Variants in SNTG1 observed in about 807,000 individuals in gnomAD.
SNTG1 encodes gamma-1-syntrophin.
Under a neutral mutation model 74.7 loss-of-function variants are expected in SNTG1, and 39 were observed. The ratio of observed to expected loss-of-function variants is 0.52; its 90% CI spans 0.40 to 0.68. The LOEUF is 0.68. Ranked by LOEUF, SNTG1 falls within the 30% of genes least tolerant of loss-of-function variation. The pLI, the probability that SNTG1 is intolerant of heterozygous loss-of-function variation, is 0.00. For synonymous variants in SNTG1, 254 were observed against 217.1 expected, an observed-to-expected ratio of 1.17 and a Z score of -1.49; for missense variants, 685 against 609.5, an observed-to-expected ratio of 1.12 and a Z score of -1.30.
chr8:50,750,449 A>G (rs899045873), intron 17 of SNTG1, among the ~76,000 whole-genome samples: 1 of 152,060 alleles, frequency 6.6e-6, no homozygotes, highest in African/African-American at 2.4e-5. Flanking sequence ...GAGTGAATTG[A>G]CTGCAGTTCA....
chr8:50,519,241 A>G (rs2094159187), intron 9 of SNTG1, among the ~76,000 whole-genome samples: 1 of 152,248 alleles, frequency 6.6e-6, no homozygotes, highest in South Asian at 2.1e-4. Context: ...AAGGCCTTCA[A>G]TAAAACTCAA....
intron 1 of SNTG1, among the ~76,000 whole-genome samples, chr8:49,958,538 A>T (rs959281807): frequency 4.6e-5 from 7 of 151,574 alleles, no homozygotes; most frequent in African/African-American, 7.3e-5. Flanking sequence ...TCTCTGCCTC[A>T]GCCTCCCAAG....
At chr8:49,983,137 T>C (rs1357399769) in intron 1 of SNTG1, among the ~76,000 whole-genome samples, 1 of 152,210 alleles carries the variant, frequency 6.6e-6, no homozygotes, top group Non-Finnish European at 1.5e-5. Flanking sequence ...TGTTATGCCA[T>C]AGTTATGCAA....
At chr8:49,978,270 G>A (rs1812370356) in intron 1 of SNTG1, among the ~76,000 whole-genome samples, 1 of 151,910 alleles carries the variant, frequency 6.6e-6, no homozygotes, top group Non-Finnish European at 1.5e-5. Flanking sequence ...AGAGACAGAA[G>A]GAGACAGAAG....
chr8:50,379,313 C>A (rs79850421), intron 2 of SNTG1, among the ~76,000 whole-genome samples: 3 of 152,254 alleles, frequency 2.0e-5, no homozygotes, highest in African/African-American at 7.2e-5. Flanking sequence ...CACTTCCTAG[C>A]CTATGAAAGC....
chr8:50,651,744 A>G (rs2095148113), intron 13 of SNTG1, among the ~76,000 whole-genome samples: 1 of 150,174 alleles, frequency 6.7e-6, no homozygotes, highest in Non-Finnish European at 1.5e-5. Context: ...GGTATAAACC[A>G]CCTCACCTGG....
intron 15 of SNTG1, among the ~76,000 whole-genome samples, chr8:50,684,749 T>A (rs1287065259): frequency 5.9e-5 from 9 of 151,264 alleles, no homozygotes; most frequent in South Asian, 2.1e-4. Flanking sequence ...TCTTTTTTTT[T>A]ATTATACTTT....
intron 18 of SNTG1, among the ~76,000 whole-genome samples, chr8:50,780,294 G>C (rs1176051323): frequency 3.3e-5 from 5 of 152,118 alleles, no homozygotes; most frequent in Non-Finnish European, 5.9e-5. Flanking sequence ...GTTCCTCCTT[G>C]TACCTCTTGT....
In SNTG1 at chr8:50,259,509, AAAGAAAGAAAGAAAGAAAGAAAG is replaced by A. The variant is rs1293412062; in HGVS notation, c.-28+86877_-28+86899del. Among the ~76,000 whole-genome samples, 8 of 10,982 alleles carry A rather than the reference AAAGAAAGAAAGAAAGAAAGAAAG, an allele frequency of 7.3e-4. 2 individuals are homozygous for A. Among genetic ancestry groups the A allele is most frequent in the African/African-American group, 9.3e-4 (8 of 8,640 alleles). 7.2% of individuals were successfully genotyped at this position (10,982 alleles called of 152,430 possible). On this transcript the variant is annotated intron_variant, in intron 2 of 18. Coordinates refer to ENST00000642720, the MANE Select transcript of SNTG1 (RefSeq NM_018967.5). Reference sequence around the variant, plus strand: ...GAGAGACGCTGTCTCAAAAAAAAAAAAAGAAAGAAAGAAAGAAAGAAAGAAAGAAAGAAAGAAAGAAAGAAAGA... The same window carrying A: ...GAGAGACGCTGTCTCAAAAAAAAAAAAAAGAAAGAAAGAAAGAAAGAAAGA...
chr8:50,569,488 A>C (rs2094534718), intron 12 of SNTG1, among the ~76,000 whole-genome samples: 1 of 152,018 alleles, frequency 6.6e-6, no homozygotes, highest in African/African-American at 2.4e-5. Context: ...TTTTTTTTCC[A>C]TAAAAGCGTT....
chr8:49,975,156 G>A lies in SNTG1; in HGVS notation c.-103+62925G>A, dbSNP rs576249959. ...GGCTGTGTACTTAAAGACATATTTG[G>A]CGGAATAAAATTAAAAGAAATTTCT... is the stretch of plus-strand genomic sequence containing the variant. On this transcript the variant is annotated intron_variant, in intron 1 of 18. Transcript: ENST00000642720. Among the ~76,000 whole-genome samples, 11 of 152,220 alleles carry A rather than the reference G, an allele frequency of 7.2e-5. 1 individual carries two copies. The East Asian group carries it at 2.1e-3, about 29-fold the overall frequency.
intron 18 of SNTG1, among the ~76,000 whole-genome samples, chr8:50,784,797 T>C (rs933371896): frequency 2.6e-5 from 4 of 152,202 alleles, no homozygotes; most frequent in African/African-American, 9.6e-5. Context: ...ATCACTTGTA[T>C]GTCAGGTTAT....
intron 17 of SNTG1, among the ~76,000 whole-genome samples, chr8:50,731,974 T>C (rs2131623203): frequency 6.6e-6 from 1 of 152,218 alleles, no homozygotes; most frequent in East Asian, 1.9e-4. Context: ...TACTGCATTA[T>C]CTTTTAGCTG....
chr8:50,189,130 G>T (rs985647986), intron 2 of SNTG1, among the ~76,000 whole-genome samples: 1 of 152,122 alleles, frequency 6.6e-6, no homozygotes, highest in Non-Finnish European at 1.5e-5. Flanking sequence ...CCTTTACCTA[G>T]ACAAGGATAT....
At chr8:50,246,514 T>A (rs1442000495) in intron 2 of SNTG1, among the ~76,000 whole-genome samples, 1 of 151,998 alleles carries the variant, frequency 6.6e-6, no homozygotes, top group East Asian at 1.9e-4. Flanking sequence ...CTTTTTTTTT[T>A]TTTTTGCTTA....
At chr8:50,534,711 C>T (rs1483997401) in intron 10 of SNTG1, among the ~76,000 whole-genome samples, 1 of 151,866 alleles carries the variant, frequency 6.6e-6, no homozygotes, top group Non-Finnish European at 1.5e-5. Context: ...ACCCCAGGGG[C>T]GGAGGTTTCA....
intron 2 of SNTG1, among the ~76,000 whole-genome samples, chr8:50,267,620 T>A (rs1299303986): frequency 6.6e-6 from 1 of 152,032 alleles, no homozygotes; most frequent in East Asian, 1.9e-4. Flanking sequence ...AATATCAAGT[T>A]CCCACATGAA....
At chr8:50,445,213 A>G (rs1428880307) in intron 5 of SNTG1, among the ~76,000 whole-genome samples, 1 of 152,226 alleles carries the variant, frequency 6.6e-6, no homozygotes, top group East Asian at 1.9e-4. Context: ...GGATGATGGC[A>G]CATGCCCGTA....
intron 18 of SNTG1, among the ~76,000 whole-genome samples, chr8:50,785,298 T>A (rs74528223): frequency 0.018 from 2,787 of 151,898 alleles, 79 homozygotes; most frequent in African/African-American, 0.06. Flanking sequence ...TTTAACTAGA[T>A]AACCAAACAG....
Sources: gnomAD v4.1 joint callset for allele counts (sites outside exome capture counted in the v4.1 genomes callset) on GRCh38, gnomAD v4.1.1 for gene constraint, MANE v1.5 for transcripts, NCBI Gene and HGNC (gene_info 2026-07-23, HGNC 2026-07-21) for gene names.